ARHGEF10L: variants seen among roughly 807,000 people sequenced by gnomAD.
ARHGEF10L encodes Rho guanine nucleotide exchange factor 10 like.
A neutral mutation model predicts 141.2 loss-of-function variants in ARHGEF10L; 69 were observed. That is an observed-to-expected ratio of 0.49 (90% CI 0.40 to 0.60). The LOEUF (loss-of-function observed/expected upper bound fraction) is 0.60. Ranked by LOEUF, ARHGEF10L falls within the 20% of genes least tolerant of loss-of-function variation. ARHGEF10L has a pLI of 0.00. For synonymous variants in ARHGEF10L, 711 were observed against 718.5 expected (o/e 0.99, Z 0.17); for missense variants, 1,482 against 1,734.3 (o/e 0.85, Z 2.58).
chr1:17,567,374 A>T, intron 1 of ARHGEF10L, among the ~76,000 whole-genome samples: 1 of 150,494 alleles, frequency 6.6e-6, no homozygotes, highest in Non-Finnish European at 1.5e-5. Flanking sequence ...ATTGAGCAGA[A>T]TTTTTTTTTT....
chr1:17,653,151 G>A (rs1479885830), intron 22 of ARHGEF10L, among the ~76,000 whole-genome samples: 2 of 152,200 alleles, frequency 1.3e-5, no homozygotes, highest in Non-Finnish European at 1.5e-5. Flanking sequence ...CGGCCATCCT[G>A]AGAGATTTCA....
In ARHGEF10L at chr1:17,624,641, G is replaced by T. The variant is rs12090151; in HGVS notation, c.1317+138G>T. ...CAGCTCCCCTCTTTCTTTTGGGGCA[G>T]CCCAGTCCCATGGGAAGAAAATCGT... is the stretch of plus-strand genomic sequence containing the variant. On this transcript the variant is annotated intron_variant, in intron 13 of 28. Transcript: ENST00000361221. 3.2e-3 allele frequency: 2,257 copies of T among 708,920 alleles called. 33 individuals are homozygous for T. The African/African-American group carries it at 0.035, about 11-fold the overall frequency. 43.9% of individuals were successfully genotyped at this position (708,920 alleles called of 1,614,324 possible).
chr1:17,580,681 G>A (rs907764442), intron 2 of ARHGEF10L, 49 bp downstream of exon 2: 2 of 1,611,014 alleles, frequency 1.2e-6, no homozygotes, highest in African/African-American at 2.7e-5. Context: ...TTAGAAGGGG[G>A]CCGCTGGGGG....
chr1:17,581,768 C>T (rs1011442102), intron 2 of ARHGEF10L, among the ~76,000 whole-genome samples: 4 of 151,922 alleles, frequency 2.6e-5, no homozygotes, highest in South Asian at 2.1e-4. Context: ...TGCTCACTGA[C>T]GGGAGTGCTT....
At chr1:17,650,350 G>A (rs1334575048) in intron 22 of ARHGEF10L, among the ~76,000 whole-genome samples, 1 of 152,168 alleles carries the variant, frequency 6.6e-6, no homozygotes, top group Non-Finnish European at 1.5e-5. Context: ...GGAGGTTGAG[G>A]CTGCAGTGAG....
At chr1:17,690,400 C>T (rs536476428) in intron 27 of ARHGEF10L, among the ~76,000 whole-genome samples, 2 of 152,240 alleles carry the variant, frequency 1.3e-5, no homozygotes, top group Non-Finnish European at 2.9e-5. Context: ...GGACAGTGCC[C>T]ACAGTCCCCG....
At chr1:17,680,532 G>A (rs1318680179) in intron 26 of ARHGEF10L, among the ~76,000 whole-genome samples, 2 of 152,134 alleles carry the variant, frequency 1.3e-5, no homozygotes, top group African/African-American at 4.8e-5. Context: ...GGGCTCCGTG[G>A]GCAGGCTCAG....
intron 25 of ARHGEF10L, among the ~76,000 whole-genome samples, chr1:17,659,215 C>T (rs972773839): frequency 1.3e-5 from 2 of 152,090 alleles, no homozygotes; most frequent in Non-Finnish European, 2.9e-5. Context: ...TTGGTGGTCA[C>T]GCTCTCCCAG....
intron 27 of ARHGEF10L, among the ~76,000 whole-genome samples, chr1:17,690,575 C>A (rs1013410318): frequency 6.6e-6 from 1 of 152,246 alleles, no homozygotes; most frequent in Non-Finnish European, 1.5e-5. Context: ...GAGGTGACCG[C>A]TCTTTTGGCA....
chr1:17,636,704 C>T (rs1198742005), intron 18 of ARHGEF10L, among the ~76,000 whole-genome samples: 5 of 152,090 alleles, frequency 3.3e-5, no homozygotes, highest in Non-Finnish European at 5.9e-5. Context: ...CATTCAGGTG[C>T]CATAGTCCAT....
intron 15 of ARHGEF10L, among the ~76,000 whole-genome samples, chr1:17,628,478 G>A (rs558989629): frequency 9.9e-5 from 15 of 152,264 alleles, no homozygotes; most frequent in African/African-American, 3.6e-4. Flanking sequence ...GAACTGCCTG[G>A]CTCTGTGCTG....
chr1:17,628,647 AT>A (rs1277414963), intron 15 of ARHGEF10L, among the ~76,000 whole-genome samples: 1 of 152,010 alleles, frequency 6.6e-6, no homozygotes, highest in Non-Finnish European at 1.5e-5. Flanking sequence ...AGAGGTTCAA[AT>A]TTTCTGGGGA....
the ARHGEF10L span, among the ~76,000 whole-genome samples, chr1:17,514,360 T>C: frequency 6.6e-6 from 1 of 152,056 alleles, no homozygotes; most frequent in African/African-American, 2.4e-5. Flanking sequence ...GGTCTTGAAC[T>C]CCTGATCTCA....
chr1:17,625,342 C>A lies in ARHGEF10L; in HGVS notation c.1318-614C>A, dbSNP rs1465379426. Reference sequence around the variant, plus strand: ...TGTTGGGGAGTCCCAGGAGAGAAGGCCTGAGTGTGCACACTAAGAGGCGGC... The same window carrying A: ...TGTTGGGGAGTCCCAGGAGAGAAGGACTGAGTGTGCACACTAAGAGGCGGC... On this transcript the variant is annotated intron_variant, in intron 13 of 28. Transcript: ENST00000361221. This position sits in a 1 kb window ranked among gnomAD's most constrained non-coding sequence, Gnocchi z 4.5. Among the ~76,000 whole-genome samples the A allele has an allele frequency of 1.3e-5, 2 of 152,114 alleles. No individual in the cohort carries two copies. Among genetic ancestry groups the A allele is most frequent in the Non-Finnish European group, 2.9e-5 (2 of 68,002 alleles).
Position 17,556,684 on chromosome 1 carries a change from C to T in ARHGEF10L, c.-44+16734C>T, listed in dbSNP as rs2077341182. Among the ~76,000 whole-genome samples the T allele has an allele frequency of 2.0e-5, 3 of 152,182 alleles. No individual in the cohort carries two copies. In the South Asian group the frequency reaches 6.2e-4, roughly 31 times the overall value. ...CTCATATGTTAATGTGAGCCAGGGT[C>T]ACCCAGACAAGCCTGCTAAGAAGGC... On this transcript the variant is annotated intron_variant, in intron 1 of 28. Coordinates refer to ENST00000361221, the MANE Select transcript of ARHGEF10L (RefSeq NM_018125.4).
intron 1 of ARHGEF10L, among the ~76,000 whole-genome samples, chr1:17,574,639 C>T (rs927530119): frequency 3.3e-5 from 5 of 152,184 alleles, no homozygotes; most frequent in Non-Finnish European, 7.3e-5. Context: ...AGGCCGGGTT[C>T]CTGTCCACAC....
intron 22 of ARHGEF10L, among the ~76,000 whole-genome samples, chr1:17,648,979 G>A (rs551053514): frequency 4.4e-4 from 67 of 152,348 alleles, no homozygotes; most frequent in Non-Finnish European, 4.9e-4. Flanking sequence ...ATGCCGAAGC[G>A]GCTGTGCCAG....
intron 28 of ARHGEF10L, 27 bp from the exon 29 acceptor site, chr1:17,696,821 C>G: frequency 6.6e-7 from 1 of 1,514,638 alleles, no homozygotes; most frequent in African/African-American, 1.4e-5. Context: ...CTTTGGGCCC[C>G]TTTCTCTCTC....
chr1:17,670,951 C>G (rs898520004), intron 26 of ARHGEF10L, among the ~76,000 whole-genome samples: 6 of 152,242 alleles, frequency 3.9e-5, no homozygotes, highest in African/African-American at 1.4e-4. Context: ...GTGAAGCCAC[C>G]CTGACTGCTC....
Sources: gnomAD v4.1 joint callset for allele counts (sites outside exome capture counted in the v4.1 genomes callset) on GRCh38, gnomAD v4.1.1 for gene constraint, Gnocchi (gnomAD v3.1) non-coding constraint, MANE v1.5 for transcripts, NCBI Gene and HGNC (gene_info 2026-07-23, HGNC 2026-07-21) for gene names.